Variants in SGCZ observed in about 807,000 individuals in gnomAD.
SGCZ encodes the protein zeta-sarcoglycan.
A neutral mutation model predicts 41.3 loss-of-function variants in SGCZ; 40 were observed. That is an observed-to-expected ratio of 0.97 (90% CI 0.75 to 1.26). The LOEUF is 1.26. Ranked by LOEUF, SGCZ falls within the 50% of genes most tolerant of loss-of-function variation. The probability of loss-of-function intolerance (pLI) is 0.00; values close to 1 mark genes in which losing one functional copy is unlikely to be tolerated. For missense variants in SGCZ, 552 were observed against 369.8 expected, an observed-to-expected ratio of 1.49 and a Z score of -4.04; for synonymous variants, 206 against 137.5, an observed-to-expected ratio of 1.50 and a Z score of -3.49.
At chr8:15,159,869 T>G (rs1446833045) in intron 1 of SGCZ, among the ~76,000 whole-genome samples, 1 of 150,910 alleles carries the variant, frequency 6.6e-6, no homozygotes, top group Admixed American at 6.6e-5. Context: ...CTTTCTCTAC[T>G]CACAAATTAA....
intron 2 of SGCZ, among the ~76,000 whole-genome samples, chr8:14,468,334 A>C (rs1020653072): frequency 1.3e-5 from 2 of 152,122 alleles, no homozygotes; most frequent in African/African-American, 2.4e-5. Flanking sequence ...TTATCTTTAG[A>C]GCACAAGCAT....
At chr8:15,160,240 T>C (rs891728134) in intron 1 of SGCZ, among the ~76,000 whole-genome samples, 1 of 152,202 alleles carries the variant, frequency 6.6e-6, no homozygotes, top group East Asian at 1.9e-4. Flanking sequence ...TGTGGCAGGA[T>C]AATTTCACTC....
At chr8:15,044,532 G>A (rs1804231158) in intron 1 of SGCZ, among the ~76,000 whole-genome samples, 2 of 152,080 alleles carry the variant, frequency 1.3e-5, no homozygotes, top group Admixed American at 1.3e-4. Context: ...TTAAAACATA[G>A]TAATACTTCA....
chr8:14,447,989 T>C (rs1800481916), intron 2 of SGCZ, among the ~76,000 whole-genome samples: 1 of 152,198 alleles, frequency 6.6e-6, no homozygotes, highest in Admixed American at 6.5e-5. Flanking sequence ...TACATAGTGG[T>C]GAATTTCCTT....
intron 1 of SGCZ, among the ~76,000 whole-genome samples, chr8:14,641,274 T>A (rs1807017887): frequency 1.3e-5 from 2 of 151,844 alleles, no homozygotes; most frequent in South Asian, 4.1e-4. Flanking sequence ...CATACACATA[T>A]ATGTACACAT....
chr8:14,980,219 CTG>C (rs1383422991), intron 1 of SGCZ, among the ~76,000 whole-genome samples: 12 of 152,188 alleles, frequency 7.9e-5, no homozygotes, highest in Admixed American at 3.9e-4. Flanking sequence ...TTTGGCCTGA[CTG>C]TGCTCTTTCC....
intron 1 of SGCZ, among the ~76,000 whole-genome samples, chr8:14,930,979 G>A (rs774762488): frequency 5.3e-5 from 8 of 151,932 alleles, no homozygotes; most frequent in African/African-American, 1.2e-4. Context: ...AAACCGGTAC[G>A]TTCTGCACAT....
chr8:14,870,263 C>G (rs1804098652), intron 1 of SGCZ, among the ~76,000 whole-genome samples: 2 of 151,996 alleles, frequency 1.3e-5, no homozygotes, highest in Admixed American at 6.6e-5. Context: ...CTCAGAAATA[C>G]CACACATCTA....
intron 1 of SGCZ, among the ~76,000 whole-genome samples, chr8:15,085,370 G>A (rs1009310489): frequency 9.2e-5 from 14 of 152,134 alleles, no homozygotes; most frequent in Admixed American, 5.2e-4. Context: ...TCATGTAGAA[G>A]ACTCTTAGAC....
chr8:14,497,354 G>A (rs1449963110), intron 2 of SGCZ, among the ~76,000 whole-genome samples: 3 of 152,054 alleles, frequency 2.0e-5, no homozygotes, highest in Admixed American at 2.0e-4. Flanking sequence ...AGAGGTCCAA[G>A]TCTGTTTTAA....
At chr8:14,290,657 G>C (rs11203593) in intron 3 of SGCZ, among the ~76,000 whole-genome samples, 7,558 of 152,110 alleles carry the variant, frequency 0.05, 205 homozygotes, top group Middle Eastern at 0.11. Context: ...TCAAGTATGA[G>C]TGGCTAGTAT....
chr8:14,579,886 C>T (rs1220095509), intron 1 of SGCZ, among the ~76,000 whole-genome samples: 6 of 152,236 alleles, frequency 3.9e-5, no homozygotes, highest in Non-Finnish European at 7.4e-5. Flanking sequence ...ATAAGTTCCC[C>T]TGAGTCTAAG....
chr8:14,109,613 A>T (rs1042604476), intron 5 of SGCZ, among the ~76,000 whole-genome samples: 1 of 152,222 alleles, frequency 6.6e-6, no homozygotes, highest in African/African-American at 2.4e-5. Flanking sequence ...GAGAAAAATC[A>T]TGTAAAATAT....
Position 14,085,323 on chromosome 8 carries a change from G to A in SGCZ, c.*5120C>T, listed in dbSNP as rs1267931459. Among the ~76,000 whole-genome samples, 2 of 151,416 alleles carry A rather than the reference G, an allele frequency of 1.3e-5. No homozygotes were observed. The highest frequency in any genetic ancestry group is 3.0e-5 in the Non-Finnish European group (2 of 67,756). On this transcript the variant is annotated 3_prime_UTR_variant, in exon 8 of 8. Coordinates refer to ENST00000382080, the MANE Select transcript of SGCZ (RefSeq NM_139167.4). ...TACAAAACAAAATAAATGAATAGTG[G>A]ACCTGATTTAAAGAATTGTATAAAT...
At chr8:14,432,598 C>T (rs943273705) in intron 2 of SGCZ, among the ~76,000 whole-genome samples, 4 of 152,100 alleles carry the variant, frequency 2.6e-5, no homozygotes, top group African/African-American at 9.6e-5. Flanking sequence ...GATGGGTGCA[C>T]CAAAATCTCA....
At chr8:14,100,373 G>C (rs1305906814) in intron 7 of SGCZ, among the ~76,000 whole-genome samples, 1 of 150,940 alleles carries the variant, frequency 6.6e-6, no homozygotes. Context: ...TATTTATTAT[G>C]AGCAATTTGA....
At chr8:14,971,610 C>A (rs1028026283) in intron 1 of SGCZ, among the ~76,000 whole-genome samples, 6 of 146,756 alleles carry the variant, frequency 4.1e-5, no homozygotes, top group Non-Finnish European at 7.5e-5. Flanking sequence ...TGGGATAAAT[C>A]TCATGTGGTC....
intron 7 of SGCZ, among the ~76,000 whole-genome samples, chr8:14,091,341 G>C (rs150441360): frequency 0.021 from 3,214 of 151,778 alleles, 126 homozygotes; most frequent in African/African-American, 0.074. Flanking sequence ...TAATCCTTTG[G>C]GTATATACCC....
At chr8:14,474,247 C>G (rs569688962) in intron 2 of SGCZ, among the ~76,000 whole-genome samples, 1 of 152,288 alleles carries the variant, frequency 6.6e-6, no homozygotes, top group East Asian at 1.9e-4. Flanking sequence ...GAATAAAACA[C>G]TTTTGATTTG....
Sources: gnomAD v4.1 joint callset for allele counts (sites outside exome capture counted in the v4.1 genomes callset) on GRCh38, gnomAD v4.1.1 for gene constraint, MANE v1.5 for transcripts, NCBI Gene and HGNC (gene_info 2026-07-23, HGNC 2026-07-21) for gene names.